The following WDR64 variants were observed in gnomAD, a reference collection of about 807,000 sequenced individuals.
The protein encoded by WDR64 is WD repeat domain 64.
In WDR64, 112 loss-of-function variants were observed where a neutral mutation model predicts 139.3. The observed-to-expected ratio is 0.80, with a 90% CI of 0.69 to 0.94. The LOEUF is 0.94. Ranked by LOEUF, WDR64 falls within the 40% of genes least tolerant of loss-of-function variation. The pLI is 0.00. For missense variants in WDR64, 1,206 were observed against 1,293.1 expected (o/e 0.93, Z 1.03); for synonymous variants, 444 against 437.7 (o/e 1.01, Z -0.18).
chr1:241,653,794 C>T (rs1665465316), intron 1 of WDR64, among the ~76,000 whole-genome samples: 1 of 152,148 alleles, frequency 6.6e-6, no homozygotes, highest in South Asian at 2.1e-4. Flanking sequence ...ATCCACCTGC[C>T]ATGGCCTCCC....
chr1:241,791,787 A>C (rs1333610880), intron 25 of WDR64, among the ~76,000 whole-genome samples: 2 of 152,216 alleles, frequency 1.3e-5, no homozygotes, highest in African/African-American at 2.4e-5. Flanking sequence ...ATATCTGCAA[A>C]GTCTCTTTCG....
chr1:241,708,691 G>GGTTTTTTTTT (rs1668047465), intron 8 of WDR64, among the ~76,000 whole-genome samples: 1 of 84,426 alleles, frequency 1.2e-5, no homozygotes, highest in African/African-American at 5.1e-5. Flanking sequence ...TGAGGTCCAT[G>GGTTTTTTTTT]GTTTTTTTTT....
intron 9 of WDR64, among the ~76,000 whole-genome samples, chr1:241,719,031 T>C (rs1668508264): frequency 6.6e-6 from 1 of 152,228 alleles, no homozygotes; most frequent in South Asian, 2.1e-4. Context: ...ATTCACTCAA[T>C]TGCAATTCTT....
In WDR64 at chr1:241,802,432, A is replaced by G. The variant is rs964374956; in HGVS notation, c.*1217A>G. Among the ~76,000 whole-genome samples, 1 of 152,220 alleles carries G rather than the reference A, an allele frequency of 6.6e-6. No homozygotes were observed. The highest frequency in any genetic ancestry group is 1.5e-5 in the Non-Finnish European group (1 of 68,020). On this transcript the variant is annotated 3_prime_UTR_variant, in exon 28 of 28. Transcript: ENST00000437684. ...AGAGATTTAGAGATTTAGAAGGGGT[A>G]TGAAAGAACTTTCTGGGGTGAATGG...
rs541301982 is a variant in WDR64, at chr1:241,696,113, C to CAAAAAAAAAAAAAAAAAAAAAAAA, written c.974+8523_974+8546dup. Among the ~76,000 whole-genome samples, 7 of 22,326 alleles carry CAAAAAAAAAAAAAAAAAAAAAAAA rather than the reference C, an allele frequency of 3.1e-4. 2 individuals carry two copies. The highest frequency in any genetic ancestry group is 9.8e-4 in the African/African-American group (7 of 7,172). 14.6% of individuals were successfully genotyped at this position (22,326 alleles called of 152,430 possible). A position where few individuals can be genotyped will look rare whatever the true frequency, so the allele number is the denominator to read the frequency against. ...TGTGGAATGGAATGAGACCCAGTAT[C>CAAAAAAAAAAAAAAAAAAAAAAAA]AAAAAAAAAAAAAAAAAAAAAAAAA... On this transcript the variant is annotated intron_variant, in intron 8 of 27. Transcript: ENST00000437684.
At chr1:241,780,995 C>T (rs1407985689) in intron 22 of WDR64, among the ~76,000 whole-genome samples, 1 of 152,114 alleles carries the variant, frequency 6.6e-6, no homozygotes, top group Admixed American at 6.5e-5. Flanking sequence ...TTGCTTGTAA[C>T]GAAGACATGC....
At chr1:241,744,926 A>C (rs1669694701) in intron 13 of WDR64, among the ~76,000 whole-genome samples, 2 of 152,194 alleles carry the variant, frequency 1.3e-5, no homozygotes, top group Non-Finnish European at 2.9e-5. Flanking sequence ...CATCCAGCCA[A>C]CTTTGTCACA....
intron 7 of WDR64, among the ~76,000 whole-genome samples, chr1:241,684,628 T>A (rs533251680): frequency 1.3e-5 from 2 of 152,174 alleles, no homozygotes; most frequent in South Asian, 4.1e-4. Context: ...GGTAAAAGTA[T>A]GAGTTGGATC....
At chr1:241,670,568 A>G (rs1666186495) in intron 2 of WDR64, among the ~76,000 whole-genome samples, 1 of 152,196 alleles carries the variant, frequency 6.6e-6, no homozygotes, top group Non-Finnish European at 1.5e-5. Flanking sequence ...CATTATCAGT[A>G]TACAGTTTGT....
chr1:241,740,384 C>T (rs965323624), intron 11 of WDR64, among the ~76,000 whole-genome samples: 1 of 152,202 alleles, frequency 6.6e-6, no homozygotes, highest in Non-Finnish European at 1.5e-5. Flanking sequence ...ATTCTGCTCA[C>T]ATTTCCATGT....
chr1:241,654,965 GA>G (rs757228386), intron 1 of WDR64, among the ~76,000 whole-genome samples: 3 of 152,028 alleles, frequency 2.0e-5, no homozygotes, highest in African/African-American at 2.4e-5. Flanking sequence ...CCCAAAATCT[GA>G]AAAAAATCCA....
intron 10 of WDR64, among the ~76,000 whole-genome samples, chr1:241,735,847 CTCTCTCTCTGTGTG>C (rs1475189720): frequency 2.5e-3 from 260 of 102,790 alleles, no homozygotes; most frequent in Middle Eastern, 4.7e-3. Flanking sequence ...CTCTCTCTCT[CTCTCTCTCTGTGTG>C]TGTGTGTGTG....
chr1:241,668,376 C>T (rs1277870719), intron 2 of WDR64, among the ~76,000 whole-genome samples: 1 of 151,608 alleles, frequency 6.6e-6, no homozygotes, highest in African/African-American at 2.4e-5. Context: ...GGTGTGGTGG[C>T]AGGATTGTGG....
chr1:241,684,582 A>C (rs1233619465), intron 7 of WDR64, among the ~76,000 whole-genome samples: 1 of 152,236 alleles, frequency 6.6e-6, no homozygotes, highest in African/African-American at 2.4e-5. Flanking sequence ...AAAATGGGGA[A>C]GACGCTGTGA....
intron 1 of WDR64, among the ~76,000 whole-genome samples, chr1:241,657,020 A>G (rs775299568): frequency 5.9e-5 from 9 of 151,682 alleles, no homozygotes; most frequent in Non-Finnish European, 1.3e-4. Context: ...CTTCCAACCC[A>G]CTAGCATATC....
chr1:241,714,417 CTCTG>C (rs757582550), intron 9 of WDR64, among the ~76,000 whole-genome samples: 17 of 152,238 alleles, frequency 1.1e-4, no homozygotes, highest in East Asian at 1.9e-4. Context: ...GTGCTATTGG[CTCTG>C]TCTATCATAA....
intron 11 of WDR64, 63 bp downstream of exon 11, chr1:241,738,552 T>C (rs1020053810): frequency 2.6e-6 from 4 of 1,534,862 alleles, no homozygotes; most frequent in Non-Finnish European, 3.5e-6. Flanking sequence ...TTTTTTAAAC[T>C]AGCACTTGAG....
At chr1:241,779,360 T>C (rs988255084) in intron 21 of WDR64, among the ~76,000 whole-genome samples, 3 of 152,330 alleles carry the variant, frequency 2.0e-5, no homozygotes, top group South Asian at 2.1e-4. Flanking sequence ...CTCTTTGATA[T>C]GTAGTTTTTG....
chr1:241,718,446 T>C (rs1409872440), intron 9 of WDR64, among the ~76,000 whole-genome samples: 1 of 152,068 alleles, frequency 6.6e-6, no homozygotes, highest in Non-Finnish European at 1.5e-5. Flanking sequence ...TAGAATTTCT[T>C]TGTATCCTTC....
Sources: allele counts gnomAD v4.1 joint callset (sites outside exome capture counted in the v4.1 genomes callset), GRCh38; gene constraint gnomAD v4.1.1; transcripts MANE v1.5; gene names NCBI Gene and HGNC (gene_info 2026-07-23, HGNC 2026-07-21).